The following ATPSCKMT variants were observed in gnomAD, a reference collection of about 807,000 sequenced individuals.
The protein encoded by ATPSCKMT is ATP synthase subunit C lysine N-methyltransferase.
In ATPSCKMT, 24 loss-of-function variants were observed where a neutral mutation model predicts 24.3. The observed-to-expected ratio is 0.99, with a 90% CI of 0.71 to 1.39. ATPSCKMT has a LOEUF of 1.39. Among genes scored for constraint, ATPSCKMT ranks in the 40% most tolerant of loss-of-function variants. ATPSCKMT has a pLI of 0.00. For synonymous variants in ATPSCKMT, 95 were observed against 110.5 expected (o/e 0.86, Z 0.88); for missense variants, 311 against 298.4 (o/e 1.04, Z -0.31).
rs1259097117 is a variant in ATPSCKMT at position 10,225,862 on chromosome 5, G to A, written c.*1579C>T. On this transcript the variant is annotated 3_prime_UTR_variant, in exon 5 of 5. Coordinates refer to ENST00000511437, the MANE Select transcript of ATPSCKMT (RefSeq NM_199133.4). Reference sequence around the variant, plus strand: ...CCTCTACCCACATCTTCATGGCAAGGAGCTACCATGGATCCCCCTCCGAGT... The same window carrying A: ...CCTCTACCCACATCTTCATGGCAAGAAGCTACCATGGATCCCCCTCCGAGT... Among the ~76,000 whole-genome samples, 1 of 152,138 alleles carries A rather than the reference G, an allele frequency of 6.6e-6. No individual in the cohort carries two copies. The highest frequency in any genetic ancestry group is 1.5e-5 in the Non-Finnish European group (1 of 68,042).
intron 1 of ATPSCKMT, 184 bp downstream of exon 1, chr5:10,249,673 GA>G: frequency 3.1e-6 from 3 of 954,368 alleles, no homozygotes; most frequent in Non-Finnish European, 4.5e-6. Context: ...AGGATCGCCA[GA>G]ACCGGCGCGG....
At chr5:10,232,538 G>A (rs1025177961) in intron 4 of ATPSCKMT, among the ~76,000 whole-genome samples, 9 of 152,240 alleles carry the variant, frequency 5.9e-5, no homozygotes, top group East Asian at 1.9e-4. Context: ...AAAGCGGGCC[G>A]CTGGAGCTCG....
chr5:10,226,653 G>T lies in ATPSCKMT; in HGVS notation c.*788C>A, dbSNP rs1222863023. On this transcript the variant is annotated 3_prime_UTR_variant, in exon 5 of 5. Transcript: ENST00000511437. ...AATAATCTGCAACTTCTGTGAATAAGATTTTTCTCAGTGTCTAAAATAACA... is the reference window on the plus strand; with the variant it reads ...AATAATCTGCAACTTCTGTGAATAATATTTTTCTCAGTGTCTAAAATAACA... 1 of 152,214 alleles carries T rather than the reference G, an allele frequency of 6.6e-6. No individual in the cohort carries two copies. The highest frequency in any genetic ancestry group is 1.5e-5 in the Non-Finnish European group (1 of 68,038). The allele number at this position is 152,214 out of a possible 1,614,324, so 9.4% of individuals were successfully genotyped here.
At chr5:10,244,141 T>C (rs975087969) in intron 1 of ATPSCKMT, among the ~76,000 whole-genome samples, 1 of 152,114 alleles carries the variant, frequency 6.6e-6, no homozygotes, top group Admixed American at 6.5e-5. Context: ...AGTGCAGCAG[T>C]AGGAAAACAC....
chr5:10,236,985 G>A, intron 2 of ATPSCKMT: 2 of 1,311,596 alleles, frequency 1.5e-6, no homozygotes, highest in Non-Finnish European at 2.0e-6. Flanking sequence ...GCAGTGAAAT[G>A]AAAGTGTCTG....
intron 4 of ATPSCKMT, among the ~76,000 whole-genome samples, chr5:10,232,911 C>T (rs541389465): frequency 2.0e-5 from 3 of 152,370 alleles, no homozygotes; most frequent in South Asian, 4.1e-4. Context: ...GCTCTCAGTG[C>T]GTAAGCTCAT....
At chr5:10,227,758 G>C in intron 4 of ATPSCKMT, 111 bp from the exon 5 acceptor site, 1 of 895,462 alleles carries the variant, frequency 1.1e-6, no homozygotes, top group Non-Finnish European at 1.8e-6. Context: ...ATTACTACTT[G>C]TTAAAAAGAG....
chr5:10,242,031 G>A (rs904584962), intron 1 of ATPSCKMT, among the ~76,000 whole-genome samples: 3 of 152,200 alleles, frequency 2.0e-5, no homozygotes, highest in African/African-American at 7.2e-5. Context: ...CCTTCAGTGA[G>A]TCATAATCTT....
intron 4 of ATPSCKMT, among the ~76,000 whole-genome samples, chr5:10,233,795 T>A (rs1744258870): frequency 6.6e-6 from 1 of 152,194 alleles, no homozygotes; most frequent in Non-Finnish European, 1.5e-5. Context: ...AAATTAAAGT[T>A]ACTTGTCTCC....
Position 10,239,336 on chromosome 5 carries a change from T to G in ATPSCKMT, c.37A>C (p.Lys13Gln), listed in dbSNP as rs775973689. The G allele has an allele frequency of 6.2e-7, 1 of 1,613,888 alleles. No individual in the cohort carries two copies. Among genetic ancestry groups the G allele is most frequent in the East Asian group, 2.2e-5 (1 of 44,882 alleles). Residue 13 changes from lysine (K) to glutamine (Q), a missense_variant, in exon 2 of 5, where the codon AAA becomes CAA. Physicochemically the swap from Lys to Gln is moderately conservative, Grantham distance 53. Transcript: ENST00000511437. The part of the protein sequence containing the change: ...GGGGIPLETL[K>Q]EESQSRHVLP... ...ACATGTCTTGACTGACTTTCTTCTT[T>G]AAGTGTTTCTAGGGGTATACCTAGA...
At chr5:10,236,360 ATT>A (rs1744369274) in intron 3 of ATPSCKMT, 116 bp downstream of exon 3, 1 of 1,226,032 alleles carries the variant, frequency 8.2e-7, no homozygotes, top group Admixed American at 2.7e-5. Context: ...ATGCCAGAAT[ATT>A]CACTTGGATT....
Position 10,247,277 on chromosome 5 carries a change from T to TA in ATPSCKMT, c.16+2580dup, listed in dbSNP as rs1744976786. 2.0e-5 allele frequency among the ~76,000 whole-genome samples: 3 copies of TA among 152,324 alleles called. No individual in the cohort carries two copies. In the South Asian group the frequency reaches 6.2e-4, roughly 32 times the overall value. On this transcript the variant is annotated intron_variant, in intron 1 of 4. Coordinates refer to ENST00000511437, the MANE Select transcript of ATPSCKMT (RefSeq NM_199133.4). The stretch of plus-strand genomic sequence containing the variant: ...CCATTGCTGGAGCTTTGGAAGAAGT[T>TA]ACTATGTACATCCAATATAGGATGT...
At chr5:10,244,130 C>T (rs1366658135) in intron 1 of ATPSCKMT, among the ~76,000 whole-genome samples, 1 of 152,100 alleles carries the variant, frequency 6.6e-6, no homozygotes, top group Non-Finnish European at 1.5e-5. Flanking sequence ...GAGGAATGGC[C>T]AGTGCAGCAG....
intron 1 of ATPSCKMT, among the ~76,000 whole-genome samples, chr5:10,248,006 G>T (rs1176954850): frequency 6.6e-6 from 1 of 152,148 alleles, no homozygotes; most frequent in Non-Finnish European, 1.5e-5. Context: ...GGTACCCAAG[G>T]TTCTTATCCA....
chr5:10,232,777 G>A (rs1445258396), intron 4 of ATPSCKMT, among the ~76,000 whole-genome samples: 1 of 152,204 alleles, frequency 6.6e-6, no homozygotes, highest in African/African-American at 2.4e-5. Flanking sequence ...AGGGGAGCAG[G>A]GGCCCCTGCG....
rs1561022892 is a variant in ATPSCKMT at position 10,226,417 on chromosome 5, G to GTT, written c.*1023_*1024insAA. On this transcript the variant is annotated 3_prime_UTR_variant, in exon 5 of 5. Transcript: ENST00000511437. ...ACAGTTTGGTATTTCAGTTACAGGT[G>GTT]TATGACTGGGAGTTCAATTCTTTTC... 6.6e-6 allele frequency: 1 copy of GTT among 152,174 alleles called. No homozygotes were observed. Among genetic ancestry groups the GTT allele is most frequent in the African/African-American group, 2.4e-5 (1 of 41,432 alleles). The allele number at this position is 152,174 out of a possible 1,614,324, so 9.4% of individuals were successfully genotyped here.
At position 10,249,845 on chromosome 5, in the gene ATPSCKMT, G is replaced by A. The variant is rs757259178; in HGVS notation, c.16+13C>T. 4.5e-5 allele frequency: 59 copies of A among 1,299,616 alleles called. No homozygotes were observed. In the East Asian group the frequency reaches 2.0e-3, roughly 45 times the overall value. 80.5% of individuals were successfully genotyped at this position (1,299,616 alleles called of 1,614,324 possible). A position where few individuals can be genotyped will look rare whatever the true frequency, so the allele number is the denominator to read the frequency against. ...CATGCCCCCAGGAACCCGCCAAGCCGCTCCAGCCTCACCTCCTCCTCCCTC... is the reference window on the plus strand; with the variant it reads ...CATGCCCCCAGGAACCCGCCAAGCCACTCCAGCCTCACCTCCTCCTCCCTC... On this transcript the variant is annotated intron_variant, in intron 1 of 4. Transcript: ENST00000511437.
At chr5:10,233,693 G>A (rs1744255116) in intron 4 of ATPSCKMT, among the ~76,000 whole-genome samples, 1 of 152,078 alleles carries the variant, frequency 6.6e-6, no homozygotes, top group Non-Finnish European at 1.5e-5. Flanking sequence ...CCCCCGCTGG[G>A]ACAAGTAATC....
chr5:10,249,802 C>T, intron 1 of ATPSCKMT, 56 bp downstream of exon 1: 1 of 1,519,616 alleles, frequency 6.6e-7, no homozygotes, highest in East Asian at 2.3e-5. Flanking sequence ...GAGCCCCCGG[C>T]CCGCCCGCAC....
Sources: gnomAD v4.1 joint callset for allele counts (sites outside exome capture counted in the v4.1 genomes callset) on GRCh38, gnomAD v4.1.1 for gene constraint, MANE v1.5 for transcripts, NCBI Gene and HGNC (gene_info 2026-07-23, HGNC 2026-07-21) for gene names.